NF1: variants seen among roughly 807,000 people sequenced by gnomAD.
NF1 encodes the protein neurofibromin.
In NF1, 122 loss-of-function variants were observed where a neutral mutation model predicts 325.7. That is an observed-to-expected ratio of 0.37 (90% confidence interval 0.32 to 0.44). The LOEUF (loss-of-function observed/expected upper bound fraction) is 0.44, where lower values mean the gene tolerates loss of function less well. Ranked by LOEUF, NF1 falls within the 20% of genes least tolerant of loss-of-function variation. The pLI, the probability that NF1 is intolerant of heterozygous loss-of-function variation, is 1.00. For synonymous variants in NF1, 1,091 were observed against 1,186.0 expected (o/e 0.92, Z 1.65); for missense variants, 2,140 against 3,415.4 (o/e 0.63, Z 9.31).
At chr17:31,142,242 A>G (rs1916269869) in intron 1 of NF1, among the ~76,000 whole-genome samples, 1 of 152,228 alleles carries the variant, frequency 6.6e-6, no homozygotes, top group Non-Finnish European at 1.5e-5. Flanking sequence ...ATATTTCTTC[A>G]TGCAGTTTAG....
chr17:31,111,302 CA>C (rs1913395328), intron 1 of NF1, among the ~76,000 whole-genome samples: 1 of 151,578 alleles, frequency 6.6e-6, no homozygotes, highest in Admixed American at 6.6e-5. Flanking sequence ...ATTGGAGACC[CA>C]AAAGTAGAGA....
intron 12 of NF1, among the ~76,000 whole-genome samples, chr17:31,213,634 G>A (rs1158122493): frequency 6.6e-6 from 1 of 152,152 alleles, no homozygotes; most frequent in South Asian, 2.1e-4. Flanking sequence ...AATAATAGGT[G>A]ATGTTAGCTC....
intron 36 of NF1, among the ~76,000 whole-genome samples, chr17:31,302,970 A>G (rs762684559): frequency 1.1e-4 from 16 of 152,236 alleles, no homozygotes; most frequent in Non-Finnish European, 2.4e-4. Flanking sequence ...AAGTGTTTCT[A>G]TAGATTAAAA....
intron 20 of NF1, among the ~76,000 whole-genome samples, chr17:31,228,505 G>A (rs2067054719): frequency 6.6e-6 from 1 of 152,038 alleles, no homozygotes; most frequent in Non-Finnish European, 1.5e-5. Context: ...TGTTTTTAAT[G>A]TATTCACAGA....
At chr17:31,334,767 T>C (rs2151549950) in intron 39 of NF1, 71 bp from the exon 40 acceptor site, 1 of 1,280,382 alleles carries the variant, frequency 7.8e-7, no homozygotes, top group Non-Finnish European at 1.1e-6. Flanking sequence ...TTTCCCCGAA[T>C]TCTTTATGTT....
In NF1 at chr17:31,326,063, T is replaced by G. The variant is rs1555533365; in HGVS notation, c.5079T>G (p.His1693Gln). The G allele has an allele frequency of 6.2e-6, 10 of 1,614,026 alleles. No homozygotes were observed. Among genetic ancestry groups the G allele is most frequent in the Non-Finnish European group, 8.5e-6 (10 of 1,179,996 alleles). ...NSWVREYTKYHERLLTGLKGS... is the reference protein window; with the variant it reads ...NSWVREYTKYQERLLTGLKGS... ...GGGTCAGGGAGTACACCAAGTATCA[T>G]GAGCGGCTGCTGACTGGCCTCAAAG... Residue 1693 changes from histidine to glutamine, a missense_variant, in exon 37 of 58, where the codon CAT (histidine) becomes CAG (glutamine). His to Gln is a conservative substitution (Grantham distance 24). This residue lies in a region of NF1 where 147 missense variants were observed against 186.7 expected (regional missense o/e 0.79). Coordinates refer to ENST00000358273, the MANE Select transcript of NF1 (RefSeq NM_001042492.3).
At chr17:31,273,168 T>A (rs1474431646) in intron 36 of NF1, among the ~76,000 whole-genome samples, 1 of 152,212 alleles carries the variant, frequency 6.6e-6, no homozygotes, top group Non-Finnish European at 1.5e-5. Context: ...ATATTGGTAT[T>A]TTCTTGATTT....
chr17:31,214,054 C>T (rs2066776417), intron 12 of NF1, among the ~76,000 whole-genome samples: 2 of 152,062 alleles, frequency 1.3e-5, no homozygotes, highest in Admixed American at 6.6e-5. Flanking sequence ...GTATGTATGT[C>T]TGGGGAATGT....
chr17:31,332,833 G>GT, intron 39 of NF1, among the ~76,000 whole-genome samples: 1 of 42,340 alleles, frequency 2.4e-5, no homozygotes, highest in African/African-American at 4.7e-5. Context: ...GCGGTGTTTG[G>GT]TTTTTTGTTC....
intron 1 of NF1, among the ~76,000 whole-genome samples, chr17:31,146,274 A>C (rs1257071879): frequency 4.6e-5 from 7 of 152,184 alleles, no homozygotes; most frequent in African/African-American, 1.7e-4. Context: ...GCGCCAACCC[A>C]GATGTTTCCA....
chr17:31,096,155 A>G lies in NF1; in HGVS notation c.60+786A>G, dbSNP rs1598175455. ...TTCCCCCCCCCCTTTTTTTTTTGCC[A>G]GCGGTCTGAGGATGTGATGCATTCT... On this transcript the variant is annotated intron_variant, in intron 1 of 57. Transcript: ENST00000358273. 3.7e-5 allele frequency among the ~76,000 whole-genome samples: 4 copies of G among 107,092 alleles called. No individual in the cohort carries two copies. The South Asian group carries it at 1.1e-3, about 29-fold the overall frequency. 70.3% of individuals were successfully genotyped at this position (107,092 alleles called of 152,430 possible).
At chr17:31,175,788 G>C (rs1421984061) in intron 5 of NF1, among the ~76,000 whole-genome samples, 1 of 152,024 alleles carries the variant, frequency 6.6e-6, no homozygotes, top group South Asian at 2.1e-4. Flanking sequence ...TTGGTTTTCT[G>C]TTCTTGTGTT....
At chr17:31,322,804 C>T (rs1482412770) in intron 36 of NF1, among the ~76,000 whole-genome samples, 3 of 152,130 alleles carry the variant, frequency 2.0e-5, no homozygotes, top group Admixed American at 1.3e-4. Flanking sequence ...AATTTAAGTC[C>T]TCTCAGTCCT....
intron 56 of NF1, 148 bp from the exon 57 acceptor site, chr17:31,360,339 A>G (rs906346593): frequency 5.1e-5 from 36 of 700,228 alleles, no homozygotes; most frequent in Non-Finnish European, 7.4e-5. Flanking sequence ...TAGTCTATAA[A>G]TATTACTCCA....
At chr17:31,230,782 G>GGT (rs963698121) in intron 23 of NF1, 60 bp from the exon 24 acceptor site, 20 of 1,244,308 alleles carry the variant, frequency 1.6e-5, no homozygotes, top group Non-Finnish European at 2.1e-5. Flanking sequence ...CGTGACTAAA[G>GGT]GTGTGTGTGT....
chr17:31,267,869 C>T (rs2067819489), intron 36 of NF1, among the ~76,000 whole-genome samples: 1 of 152,166 alleles, frequency 6.6e-6, no homozygotes, highest in African/African-American at 2.4e-5. Flanking sequence ...ATTCTTTCCT[C>T]TTATTGTCTT....
At chr17:31,273,714 G>C (rs1395838911) in intron 36 of NF1, 1 of 152,140 alleles carries the variant, frequency 6.6e-6, no homozygotes, top group Non-Finnish European at 1.5e-5. Flanking sequence ...CCTGCCATTT[G>C]CTCTTTGGAA....
intron 13 of NF1, 85 bp from the exon 14 acceptor site, chr17:31,218,920 A>G: frequency 7.5e-7 from 1 of 1,341,002 alleles, no homozygotes; most frequent in South Asian, 1.3e-5. Context: ...GGTACCCTTT[A>G]GCAGTCACTG....
intron 2 of NF1, among the ~76,000 whole-genome samples, chr17:31,156,433 G>A (rs558716336): frequency 2.5e-4 from 38 of 152,150 alleles, no homozygotes; most frequent in African/African-American, 8.9e-4. Context: ...TCTTGAATTA[G>A]GATTTCATAG....
Sources: gnomAD v4.1 joint callset for allele counts (sites outside exome capture counted in the v4.1 genomes callset) on GRCh38, gnomAD v4.1.1 for gene constraint, gnomAD v4.1.1 regional missense constraint, MANE v1.5 for transcripts, NCBI Gene and HGNC (gene_info 2026-07-23, HGNC 2026-07-21) for gene names.